Variants in CTNNA3 observed in about 807,000 individuals in gnomAD.
The protein encoded by CTNNA3 is catenin alpha-3.
Under a neutral mutation model 95.7 loss-of-function variants are expected in CTNNA3, and 76 were observed. That is an observed-to-expected ratio of 0.79 (90% confidence interval 0.66 to 0.96). The LOEUF is 0.96. CTNNA3 is among the 40% of genes least tolerant of loss of function. The probability of loss-of-function intolerance (pLI) is 0.00; values close to 1 mark genes in which losing one functional copy is unlikely to be tolerated. For synonymous variants in CTNNA3, 431 were observed against 374.4 expected, an observed-to-expected ratio of 1.15 and a Z score of -1.74; for missense variants, 1,191 against 1,089.8, an observed-to-expected ratio of 1.09 and a Z score of -1.31.
intron 15 of CTNNA3, among the ~76,000 whole-genome samples, chr10:66,058,922 C>T (rs1397599387): frequency 6.6e-6 from 1 of 152,096 alleles, no homozygotes; most frequent in Non-Finnish European, 1.5e-5. Context: ...AGAAAGTTGT[C>T]TTCTTCCCAT....
At chr10:67,178,518 C>CT (rs1375594155) in intron 7 of CTNNA3, among the ~76,000 whole-genome samples, 1 of 151,780 alleles carries the variant, frequency 6.6e-6, no homozygotes, top group Non-Finnish European at 1.5e-5. Context: ...CTTTCTCCTG[C>CT]TTTTTGAACA....
intron 13 of CTNNA3, among the ~76,000 whole-genome samples, chr10:66,125,168 G>C (rs937162857): frequency 6.6e-6 from 1 of 152,098 alleles, no homozygotes; most frequent in Non-Finnish European, 1.5e-5. Flanking sequence ...TCTAAAAAAA[G>C]AACATCAGAG....
At chr10:66,222,127 G>A (rs758345439) in intron 13 of CTNNA3, among the ~76,000 whole-genome samples, 2 of 152,118 alleles carry the variant, frequency 1.3e-5, no homozygotes, top group Non-Finnish European at 2.9e-5. Context: ...AGATTTGGTA[G>A]AAAATAGCAG....
At chr10:65,930,730 G>A (rs1215346468) in intron 17 of CTNNA3, among the ~76,000 whole-genome samples, 1 of 152,000 alleles carries the variant, frequency 6.6e-6, no homozygotes, top group African/African-American at 2.4e-5. Context: ...TTGTATAAAT[G>A]TCATCTTCTC....
intron 17 of CTNNA3, among the ~76,000 whole-genome samples, chr10:65,922,576 G>T (rs553606385): frequency 1.3e-5 from 2 of 152,284 alleles, no homozygotes; most frequent in African/African-American, 4.8e-5. Context: ...TCTAGGACAT[G>T]GAAGTACATA....
At chr10:66,573,353 T>A (rs1842922529) in intron 10 of CTNNA3, among the ~76,000 whole-genome samples, 1 of 152,178 alleles carries the variant, frequency 6.6e-6, no homozygotes, top group South Asian at 2.1e-4. Flanking sequence ...ATGAATGATG[T>A]GATTGACTAC....
intron 7 of CTNNA3, among the ~76,000 whole-genome samples, chr10:66,908,963 C>A (rs1283222290): frequency 6.6e-6 from 1 of 152,154 alleles, no homozygotes; most frequent in African/African-American, 2.4e-5. Flanking sequence ...AGATTACAAA[C>A]AGTCATTTAA....
chr10:67,300,433 T>C (rs1840219560), intron 5 of CTNNA3, among the ~76,000 whole-genome samples: 1 of 152,154 alleles, frequency 6.6e-6, no homozygotes, highest in South Asian at 2.1e-4. Context: ...GTTATCCCCC[T>C]CACCAATGCA....
intron 13 of CTNNA3, among the ~76,000 whole-genome samples, chr10:66,225,334 C>G (rs2089220947): frequency 6.7e-6 from 1 of 148,792 alleles, no homozygotes; most frequent in African/African-American, 2.5e-5. Context: ...ATAACATAAT[C>G]CCCTCCAGAC....
chr10:67,419,417 G>T (rs989748908), intron 5 of CTNNA3, among the ~76,000 whole-genome samples: 1 of 151,200 alleles, frequency 6.6e-6, no homozygotes, highest in African/African-American at 2.4e-5. Flanking sequence ...TGTTATGTGG[G>T]AATATTGCAT....
chr10:66,076,028 A>C (rs2080549241), intron 14 of CTNNA3, among the ~76,000 whole-genome samples: 1 of 151,756 alleles, frequency 6.6e-6, no homozygotes, highest in African/African-American at 2.4e-5. Context: ...TAATTAATTC[A>C]TATCACTCAT....
chr10:66,314,034 A>G (rs989235783), intron 12 of CTNNA3, among the ~76,000 whole-genome samples: 1 of 152,220 alleles, frequency 6.6e-6, no homozygotes, highest in African/African-American at 2.4e-5. Flanking sequence ...AGACAATTGA[A>G]GCAAAAATAA....
At chr10:66,099,027 T>C (rs1195897773) in intron 14 of CTNNA3, among the ~76,000 whole-genome samples, 2 of 152,182 alleles carry the variant, frequency 1.3e-5, no homozygotes, top group Non-Finnish European at 2.9e-5. Context: ...GAGCTGAAGC[T>C]AGTAGGAATG....
chr10:66,200,228 G>C (rs2087307803), intron 13 of CTNNA3, among the ~76,000 whole-genome samples: 1 of 140,966 alleles, frequency 7.1e-6, no homozygotes, highest in Non-Finnish European at 1.6e-5. Flanking sequence ...GGGAAGGGAA[G>C]GTAAGGGAAG....
chr10:66,900,889 A>T (rs1243715206), intron 7 of CTNNA3, among the ~76,000 whole-genome samples: 1 of 152,220 alleles, frequency 6.6e-6, no homozygotes, highest in Non-Finnish European at 1.5e-5. Context: ...GAAAAGACCA[A>T]ATCTACATCT....
chr10:67,673,173 G>T (rs1325962275), intron 1 of CTNNA3, among the ~76,000 whole-genome samples: 1 of 151,332 alleles, frequency 6.6e-6, no homozygotes, highest in Non-Finnish European at 1.5e-5. Flanking sequence ...TCTGTTATTG[G>T]TGTATAAGAA....
chr10:67,647,784 C>T (rs1839763176), intron 1 of CTNNA3, among the ~76,000 whole-genome samples: 1 of 152,056 alleles, frequency 6.6e-6, no homozygotes. Flanking sequence ...ACAACTCATC[C>T]GGGGTGGGTT....
chr10:67,726,582 AATATGTAATATTATATT>A (rs1320017795), intron 1 of CTNNA3, among the ~76,000 whole-genome samples: 1 of 70,274 alleles, frequency 1.4e-5, no homozygotes, highest in Non-Finnish European at 2.3e-5. Context: ...CATATTATAT[AATATGTAATATTATATT>A]ACATATTATA....
At chr10:66,313,723 C>A (rs932098743) in intron 12 of CTNNA3, among the ~76,000 whole-genome samples, 3 of 152,116 alleles carry the variant, frequency 2.0e-5, no homozygotes, top group Non-Finnish European at 4.4e-5. Context: ...CCAGCAATTG[C>A]CATGACAATG....
Sources: allele counts gnomAD v4.1 joint callset (sites outside exome capture counted in the v4.1 genomes callset), GRCh38; gene constraint gnomAD v4.1.1; transcripts MANE v1.5; gene names NCBI Gene and HGNC (gene_info 2026-07-23, HGNC 2026-07-21).